Variants in RASGEF1C observed in about 807,000 individuals in gnomAD.
RASGEF1C encodes the protein ras-GEF domain-containing family member 1C.
A neutral mutation model predicts 58.1 loss-of-function variants in RASGEF1C; 27 were observed. The ratio of observed to expected loss-of-function variants is 0.46; its 90% CI spans 0.34 to 0.64. The LOEUF (loss-of-function observed/expected upper bound fraction) is 0.64. Among genes scored for constraint, RASGEF1C ranks in the 30% least tolerant of loss-of-function variants. The pLI is 0.01. For missense variants in RASGEF1C, 502 were observed against 605.1 expected (o/e 0.83, Z 1.79); for synonymous variants, 243 against 246.3 (o/e 0.99, Z 0.13).
intron 1 of RASGEF1C, among the ~76,000 whole-genome samples, chr5:180,144,027 C>T (rs1400715180): frequency 6.6e-6 from 1 of 152,148 alleles, no homozygotes; most frequent in Non-Finnish European, 1.5e-5. Flanking sequence ...AGGGAGCAGT[C>T]CCCCTCTTCA....
chr5:180,170,936 TC>T (rs948638658), intron 1 of RASGEF1C, among the ~76,000 whole-genome samples: 1 of 152,168 alleles, frequency 6.6e-6, no homozygotes, highest in Non-Finnish European at 1.5e-5. Flanking sequence ...TGGGGGCCTT[TC>T]CCTGCCTGGA....
chr5:180,179,655 TG>T (rs1767290476), intron 1 of RASGEF1C, among the ~76,000 whole-genome samples: 1 of 152,218 alleles, frequency 6.6e-6, no homozygotes, highest in Non-Finnish European at 1.5e-5. Flanking sequence ...GTCCTGCCAC[TG>T]GGCGTCAGGT....
chr5:180,115,448 C>T, intron 10 of RASGEF1C: 1 of 323,362 alleles, frequency 3.1e-6, no homozygotes, highest in Non-Finnish European at 6.2e-6. Flanking sequence ...GGGCTGCGGG[C>T]TGCGTGCAGG....
intron 1 of RASGEF1C, among the ~76,000 whole-genome samples, chr5:180,176,746 T>A (rs181101930): frequency 6.6e-6 from 1 of 151,874 alleles, no homozygotes; most frequent in Non-Finnish European, 1.5e-5. Flanking sequence ...TTAGTAGAGA[T>A]GGGGTTTCAC....
intron 6 of RASGEF1C, among the ~76,000 whole-genome samples, chr5:180,121,530 G>T (rs1055699170): frequency 1.7e-4 from 26 of 152,000 alleles, no homozygotes; most frequent in Admixed American, 1.2e-3. Context: ...AGCCAGGATG[G>T]TCTCCATCTC....
At chr5:180,119,620 G>A (rs1176047417) in intron 7 of RASGEF1C, among the ~76,000 whole-genome samples, 172 bp from the exon 8 acceptor site, 2 of 152,176 alleles carry the variant, frequency 1.3e-5, no homozygotes. Context: ...AGCCAGCAGA[G>A]CCCAATGCCA....
intron 1 of RASGEF1C, among the ~76,000 whole-genome samples, chr5:180,182,204 C>CAAGAAAAAAAAA (rs1767348405): frequency 4.4e-5 from 1 of 22,758 alleles, no homozygotes; most frequent in East Asian, 2.1e-3. Context: ...GACTCCGTCT[C>CAAGAAAAAAAAA]AAAAAAAAAA....
chr5:180,118,747 G>A lies in RASGEF1C; in HGVS notation c.987+40C>T, dbSNP rs764270377. 10 of 1,613,980 alleles carry A rather than the reference G, an allele frequency of 6.2e-6. No homozygotes were observed. In the African/African-American group the frequency reaches 9.3e-5, roughly 15 times the overall value. On this transcript the variant is annotated intron_variant, in intron 9 of 13. Transcript: ENST00000361132. Reference sequence around the variant, plus strand: ...GGCATGTGGGCAGTTCTGTCCAGGGGATGGCCGGAGGCACCCGGCAGCCCA... The same window carrying A: ...GGCATGTGGGCAGTTCTGTCCAGGGAATGGCCGGAGGCACCCGGCAGCCCA...
chr5:180,173,779 GGT>G (rs1491397508), intron 1 of RASGEF1C, among the ~76,000 whole-genome samples: 1 of 151,760 alleles, frequency 6.6e-6, no homozygotes, highest in East Asian at 1.9e-4. Flanking sequence ...TGGGCGTGGT[GGT>G]GGGCGCCTGT....
chr5:180,103,303 T>G (rs1278997706), intron 12 of RASGEF1C, among the ~76,000 whole-genome samples: 1 of 152,204 alleles, frequency 6.6e-6, no homozygotes, highest in Non-Finnish European at 1.5e-5. Context: ...GGTCTCGATC[T>G]CCTGACCTTG....
chr5:180,192,265 T>C (rs1561757389), intron 1 of RASGEF1C, among the ~76,000 whole-genome samples: 1 of 152,082 alleles, frequency 6.6e-6, no homozygotes, highest in Non-Finnish European at 1.5e-5. Flanking sequence ...ACCCATACAA[T>C]GGAAACACAG....
rs1354410922 is a variant in RASGEF1C, at chr5:180,118,617, G to A, written c.1075C>T (p.Arg359Ter). ...ACGTGGCCCCGACCTACCTTCTCTC[G>A]GCTGCTGTGGGCCGTCAGGGAGCGG... ...AHRSLTAHSS[R>*]EKIVIPFFSL... The change falls in exon 10 of 14, where the codon CGA becomes TGA. Residue 359 changes from arginine (R) to a stop codon, truncating the protein, a stop_gained. Transcript: ENST00000361132. LOFTEE classifies it high-confidence loss of function. 9 of 1,610,482 alleles carry A rather than the reference G, an allele frequency of 5.6e-6. No individual in the cohort carries two copies. The highest frequency in any genetic ancestry group is 4.0e-5 in the African/African-American group (3 of 74,870).
intron 1 of RASGEF1C, among the ~76,000 whole-genome samples, chr5:180,183,681 G>A (rs547868415): frequency 5.3e-5 from 8 of 152,130 alleles, no homozygotes; most frequent in South Asian, 4.1e-4. Flanking sequence ...AAAATTAGCC[G>A]GGTGTGGTGA....
At chr5:180,190,216 G>A (rs1405133900) in intron 1 of RASGEF1C, among the ~76,000 whole-genome samples, 1 of 151,910 alleles carries the variant, frequency 6.6e-6, no homozygotes, top group East Asian at 1.9e-4. Context: ...GGCCGGGCAC[G>A]GTGGCTCACG....
In RASGEF1C at chr5:180,127,613, G is replaced by C. The variant is rs1766285362; in HGVS notation, c.710C>G (p.Thr237Arg). 2 of 1,611,950 alleles carry C rather than the reference G, an allele frequency of 1.2e-6. No individual in the cohort carries two copies. The highest frequency in any genetic ancestry group is 8.5e-7 in the Non-Finnish European group (1 of 1,179,284). ...CAGCCCGTAAGAGCCTCCTACCTTT[G>C]TGCTGGCCAGAGGGTCCTTGTTCAC... is the stretch of plus-strand genomic sequence containing the variant. Reference protein sequence around the residue: ...AFVNKDPLASTKPCFSDKTSN... With the variant: ...AFVNKDPLASRKPCFSDKTSN... The change falls in exon 6 of 14, where the codon ACA becomes AGA. Residue 237 changes from threonine to arginine, a missense_variant. Thr to Arg is a moderately conservative substitution (Grantham distance 71). Coordinates refer to ENST00000361132, the MANE Select transcript of RASGEF1C (RefSeq NM_175062.4).
intron 1 of RASGEF1C, among the ~76,000 whole-genome samples, chr5:180,187,995 A>T (rs1756071923): frequency 6.6e-6 from 1 of 152,200 alleles, no homozygotes; most frequent in South Asian, 2.1e-4. Flanking sequence ...GCCCCAAATA[A>T]CTGAAAACAG....
rs572938934 is a variant in RASGEF1C, at chr5:180,182,066, A to G, written c.-7+26962T>C. Among the ~76,000 whole-genome samples, 419 of 151,938 alleles carry G rather than the reference A, an allele frequency of 2.8e-3. 2 individuals are homozygous for G. Among genetic ancestry groups the G allele is most frequent in the African/African-American group, 2.7e-3 (113 of 41,446 alleles). On this transcript the variant is annotated intron_variant, in intron 1 of 13. Coordinates refer to ENST00000361132, the MANE Select transcript of RASGEF1C (RefSeq NM_175062.4). ...AAAATACAAAAAAAATTAGCCGGGCATGGTGGCGGGCGCCTGTAGTCCCAG... is the reference window on the plus strand; with the variant it reads ...AAAATACAAAAAAAATTAGCCGGGCGTGGTGGCGGGCGCCTGTAGTCCCAG...
chr5:180,193,337 G>A (rs1013375522), intron 1 of RASGEF1C, among the ~76,000 whole-genome samples: 4 of 152,088 alleles, frequency 2.6e-5, no homozygotes, highest in African/African-American at 9.7e-5. Flanking sequence ...TTACAGGCGT[G>A]AGCCACCGTG....
At chr5:180,106,905 T>C (rs1437313253) in intron 12 of RASGEF1C, among the ~76,000 whole-genome samples, 1 of 152,228 alleles carries the variant, frequency 6.6e-6, no homozygotes, top group Non-Finnish European at 1.5e-5. Flanking sequence ...TTATTTCTCC[T>C]TTCAGTTTGA....
Sources: gnomAD v4.1 joint callset for allele counts (sites outside exome capture counted in the v4.1 genomes callset) on GRCh38, gnomAD v4.1.1 for gene constraint, MANE v1.5 for transcripts, NCBI Gene and HGNC (gene_info 2026-07-23, HGNC 2026-07-21) for gene names.